Variants in CNTN4 observed in about 807,000 individuals in gnomAD.
The protein encoded by CNTN4 is contactin 4, also known as contactin-4.
In CNTN4, 77 loss-of-function variants were observed where a neutral mutation model predicts 122.5. That is an observed-to-expected ratio of 0.63 (90% confidence interval 0.52 to 0.76). The LOEUF is 0.76. Among genes scored for constraint, CNTN4 ranks in the 30% least tolerant of loss-of-function variants. The probability of loss-of-function intolerance (pLI) is 0.00; values close to 1 mark genes in which losing one functional copy is unlikely to be tolerated. For synonymous variants in CNTN4, 512 were observed against 447.0 expected, an observed-to-expected ratio of 1.15 and a Z score of -1.83; for missense variants, 1,256 against 1,259.1, an observed-to-expected ratio of 1.00 and a Z score of 0.04.
rs1244150200 is a variant in CNTN4, at chr3:2,175,902, G to A, written c.-145+75263G>A. On this transcript the variant is annotated intron_variant, in intron 2 of 24. Coordinates refer to ENST00000418658, the MANE Select transcript of CNTN4 (RefSeq NM_175607.3). ...CAAAAAATTCAATGTAAATAAAATA[G>A]TAGAGTTAGGAGAAGATTATCTGCC... Among the ~76,000 whole-genome samples the A allele has an allele frequency of 2.0e-5, 3 of 152,164 alleles. No individual in the cohort carries two copies. In the East Asian group the frequency reaches 5.8e-4, roughly 29 times the overall value.
chr3:2,213,284 G>A (rs1210826514), intron 2 of CNTN4, among the ~76,000 whole-genome samples: 1 of 152,108 alleles, frequency 6.6e-6, no homozygotes, highest in East Asian at 1.9e-4. Flanking sequence ...TCTGGGGCTC[G>A]TAACTTTCAG....
At chr3:2,600,439 G>A (rs886974864) in intron 4 of CNTN4, among the ~76,000 whole-genome samples, 5 of 152,058 alleles carry the variant, frequency 3.3e-5, no homozygotes, top group African/African-American at 4.8e-5. Context: ...CTATGAGTGA[G>A]AACATGCGGT....
intron 13 of CNTN4, among the ~76,000 whole-genome samples, chr3:2,960,314 T>A (rs1337496253): frequency 6.6e-6 from 1 of 152,242 alleles, no homozygotes; most frequent in Non-Finnish European, 1.5e-5. Context: ...TCTCTTTTCT[T>A]GTCTGCAGAT....
chr3:2,930,878 A>G (rs1024557169), intron 13 of CNTN4, among the ~76,000 whole-genome samples: 4 of 152,220 alleles, frequency 2.6e-5, no homozygotes, highest in Admixed American at 1.3e-4. Flanking sequence ...CAGTAGCACA[A>G]TATCAATATA....
intron 3 of CNTN4, among the ~76,000 whole-genome samples, chr3:2,460,255 T>C (rs1410281978): frequency 6.6e-6 from 1 of 152,168 alleles, no homozygotes. Context: ...TTGGTCATCA[T>C]TGTTTTTCAG....
At chr3:2,605,982 G>T (rs1483195719) in intron 4 of CNTN4, among the ~76,000 whole-genome samples, 4 of 152,212 alleles carry the variant, frequency 2.6e-5, no homozygotes, top group Admixed American at 2.6e-4. Context: ...GCCTTGGGGA[G>T]CTAAGGCCTG....
chr3:2,812,485 A>C (rs1185046273), intron 6 of CNTN4, among the ~76,000 whole-genome samples: 1 of 152,216 alleles, frequency 6.6e-6, no homozygotes, highest in African/African-American at 2.4e-5. Flanking sequence ...TCACTTCAGC[A>C]TCAATCTTGA....
intron 2 of CNTN4, among the ~76,000 whole-genome samples, chr3:2,267,738 G>T (rs1377232371): frequency 1.3e-5 from 2 of 151,662 alleles, no homozygotes; most frequent in Non-Finnish European, 2.9e-5. Flanking sequence ...GTAACCTATT[G>T]TCAAAGAATA....
At chr3:2,445,562 A>G (rs2048595946) in intron 3 of CNTN4, among the ~76,000 whole-genome samples, 1 of 152,126 alleles carries the variant, frequency 6.6e-6, no homozygotes, top group African/African-American at 2.4e-5. Context: ...ATTTTCTTAT[A>G]ATTCTCTTTG....
chr3:2,830,002 T>A (rs570155609), intron 7 of CNTN4, among the ~76,000 whole-genome samples: 5 of 152,200 alleles, frequency 3.3e-5, no homozygotes, highest in African/African-American at 4.8e-5. Context: ...TAAATACCAG[T>A]TAATTAAATA....
At chr3:2,973,644 A>G (rs546755705) in intron 13 of CNTN4, among the ~76,000 whole-genome samples, 80 of 152,208 alleles carry the variant, frequency 5.3e-4, no homozygotes, top group African/African-American at 1.7e-3. Context: ...ATTTTAATCC[A>G]ATAATCAACA....
intron 3 of CNTN4, among the ~76,000 whole-genome samples, chr3:2,545,405 G>C (rs1434600018): frequency 1.3e-5 from 2 of 151,996 alleles, no homozygotes; most frequent in African/African-American, 2.4e-5. Context: ...ATCAGGTCCT[G>C]AATATTTTTG....
chr3:2,679,975 A>G (rs899694538), intron 4 of CNTN4, among the ~76,000 whole-genome samples: 4 of 152,218 alleles, frequency 2.6e-5, no homozygotes, highest in Non-Finnish European at 5.9e-5. Context: ...GAATGGATTA[A>G]TGAATGAATT....
intron 3 of CNTN4, among the ~76,000 whole-genome samples, chr3:2,361,399 T>C (rs925053052): frequency 1.3e-5 from 2 of 152,174 alleles, no homozygotes; most frequent in Non-Finnish European, 2.9e-5. Context: ...TTGTAACCAG[T>C]GGGTAGCTGC....
At chr3:2,389,368 C>G (rs181410734) in intron 3 of CNTN4, among the ~76,000 whole-genome samples, 10 of 145,112 alleles carry the variant, frequency 6.9e-5, no homozygotes, top group African/African-American at 2.4e-4. Context: ...AAACCTTCCC[C>G]GTGATGTATC....
chr3:2,491,938 T>C (rs957803950), intron 3 of CNTN4, among the ~76,000 whole-genome samples: 1 of 152,216 alleles, frequency 6.6e-6, no homozygotes, highest in Admixed American at 6.5e-5. Context: ...AAATCTATAC[T>C]GTAAACTTTT....
intron 4 of CNTN4, among the ~76,000 whole-genome samples, chr3:2,588,612 G>A (rs375894961): frequency 3.1e-4 from 47 of 151,862 alleles, no homozygotes; most frequent in East Asian, 2.7e-3. Flanking sequence ...TGATCCACTC[G>A]CCTCGGCCTC....
chr3:2,287,617 A>G (rs527995012), intron 2 of CNTN4, among the ~76,000 whole-genome samples: 12 of 34,912 alleles, frequency 3.4e-4, no homozygotes, highest in African/African-American at 7.1e-4. Flanking sequence ...AAAGAAGGAG[A>G]AGGAGAAGGA....
At chr3:2,259,564 T>C (rs2040737467) in intron 2 of CNTN4, among the ~76,000 whole-genome samples, 1 of 152,156 alleles carries the variant, frequency 6.6e-6, no homozygotes, top group South Asian at 2.1e-4. Context: ...CTCATAATCA[T>C]GGCAGAAGGC....
Sources: gnomAD v4.1 joint callset for allele counts (sites outside exome capture counted in the v4.1 genomes callset) on GRCh38, gnomAD v4.1.1 for gene constraint, MANE v1.5 for transcripts, NCBI Gene and HGNC (gene_info 2026-07-23, HGNC 2026-07-21) for gene names.